The following VPS13B variants were observed in gnomAD, a reference collection of about 807,000 sequenced individuals.
VPS13B encodes the protein intermembrane lipid transfer protein VPS13B.
Under a neutral mutation model 426.4 loss-of-function variants are expected in VPS13B, and 285 were observed. The ratio of observed to expected loss-of-function variants is 0.67; its 90% CI spans 0.61 to 0.74. VPS13B has a LOEUF of 0.74. Ranked by LOEUF, VPS13B falls within the 30% of genes least tolerant of loss-of-function variation. The probability of loss-of-function intolerance (pLI) is 0.00; values close to 1 mark genes in which losing one functional copy is unlikely to be tolerated. For synonymous variants in VPS13B, 1,676 were observed against 1,676.4 expected (o/e 1.00, Z 0.01); for missense variants, 4,537 against 4,782.6 (o/e 0.95, Z 1.51).
chr8:99,636,201 T>C (rs1829061415), intron 33 of VPS13B, among the ~76,000 whole-genome samples: 1 of 152,042 alleles, frequency 6.6e-6, no homozygotes. Flanking sequence ...AAAGCTGTTA[T>C]CTCTGCATAA....
intron 52 of VPS13B, among the ~76,000 whole-genome samples, 180 bp downstream of exon 52, chr8:99,832,832 C>G (rs1195551235): frequency 6.6e-6 from 1 of 151,956 alleles, no homozygotes; most frequent in African/African-American, 2.4e-5. Context: ...ATGGCTTGTC[C>G]CAGCATACTA....
chr8:99,257,613 T>C lies in VPS13B; in HGVS notation c.2516-16585T>C, dbSNP rs931941040. Among the ~76,000 whole-genome samples, 3 of 152,332 alleles carry C rather than the reference T, an allele frequency of 2.0e-5. No homozygotes were observed. The East Asian group carries it at 5.8e-4, about 29-fold the overall frequency. On this transcript the variant is annotated intron_variant, in intron 17 of 61. Transcript: ENST00000357162. Reference sequence around the variant, plus strand: ...TGTTTAAAATATAGTTTTGTCTTTATTATGACTTCTTTTATTTCTTTCAGC... The same window carrying C: ...TGTTTAAAATATAGTTTTGTCTTTACTATGACTTCTTTTATTTCTTTCAGC...
chr8:99,849,352 T>C (rs986522312), intron 55 of VPS13B, among the ~76,000 whole-genome samples: 1 of 152,170 alleles, frequency 6.6e-6, no homozygotes, highest in African/African-American at 2.4e-5. Flanking sequence ...GTTAATATCC[T>C]TAATTTAAAA....
intron 19 of VPS13B, among the ~76,000 whole-genome samples, chr8:99,318,494 T>C (rs567812509): frequency 3.5e-4 from 53 of 152,266 alleles, no homozygotes; most frequent in African/African-American, 1.3e-3. Context: ...AAATATCCTG[T>C]CATTGAGAGT....
In VPS13B at chr8:99,577,579, T is replaced by C; in HGVS notation, c.5166T>C (p.His1722=). Residue 1722 remains histidine (H), a synonymous_variant, in exon 33 of 62, where the codon CAT becomes CAC. Transcript: ENST00000357162. The stretch of plus-strand genomic sequence containing the variant: ...GTGTGGCTCAAGTTCAACTCTTACA[T>C]CAGTTAATAGTAGCAAATATGACTG... ...FLSVAQVQLL[H]QLIVANMTGL... is the part of the protein sequence containing the mutation. The C allele has an allele frequency of 6.2e-7, 1 of 1,613,878 alleles. No homozygotes were observed. Among genetic ancestry groups the C allele is most frequent in the Non-Finnish European group, 8.5e-7 (1 of 1,179,778 alleles).
chr8:99,360,118 T>TTATC (rs1166920539), intron 19 of VPS13B, among the ~76,000 whole-genome samples: 74 of 123,278 alleles, frequency 6.0e-4, no homozygotes, highest in East Asian at 1.3e-3. Context: ...TTTTTTTTCC[T>TTATC]TATCTTTCTT....
chr8:99,439,644 A>G (rs1162028936), intron 22 of VPS13B, among the ~76,000 whole-genome samples: 1 of 152,162 alleles, frequency 6.6e-6, no homozygotes, highest in Admixed American at 6.5e-5. Flanking sequence ...ATAAAAATAA[A>G]TATATTATTT....
rs1809979196 is a variant in VPS13B, at chr8:99,134,691, A to C, written c.1266A>C (p.Glu422Asp). 1.2e-6 allele frequency: 2 copies of C among 1,610,394 alleles called. No individual in the cohort carries two copies. Among genetic ancestry groups the C allele is most frequent in the East Asian group, 2.2e-5 (1 of 44,658 alleles). The change falls in exon 9 of 62, where the codon GAA becomes GAC. Residue 422 changes from glutamate to aspartate, a missense_variant. Glu to Asp is a conservative substitution (Grantham distance 45, BLOSUM62 2). Around this residue, in one of 2 missense-constraint regions of VPS13B, gnomAD observed 4,311 missense variants for 4,474.3 expected, o/e 0.96. Coordinates refer to ENST00000357162, the MANE Select transcript of VPS13B (RefSeq NM_152564.5). The stretch of plus-strand genomic sequence containing the variant: ...GTCCACAGAAAGTAAAATCTAAAGA[A>C]GTATTGTGTTGGGAACAAGAAGGAA... ...YYSPQKVKSK[E>D]VLCWEQEGTT... is the part of the protein sequence containing the mutation.
chr8:99,793,254 C>CATATATATATATATATATATATATATAT (rs779913773), intron 43 of VPS13B, among the ~76,000 whole-genome samples: 19 of 107,010 alleles, frequency 1.8e-4, no homozygotes, highest in East Asian at 8.4e-4. Context: ...TTGCCCTCTC[C>CATATATATATATATATATATATATATAT]ATATATATAT....
At chr8:99,285,845 G>A (rs2133032193) in intron 19 of VPS13B, among the ~76,000 whole-genome samples, 1 of 152,108 alleles carries the variant, frequency 6.6e-6, no homozygotes, top group East Asian at 1.9e-4. Flanking sequence ...TCTACTGACA[G>A]CCTTTGCATT....
chr8:99,249,882 C>T (rs1327884094), intron 17 of VPS13B, among the ~76,000 whole-genome samples: 1 of 151,866 alleles, frequency 6.6e-6, no homozygotes, highest in African/African-American at 2.4e-5. Context: ...GCGTTTTAGC[C>T]TGGGTGACAG....
At chr8:99,391,153 T>A (rs1814422407) in intron 20 of VPS13B, among the ~76,000 whole-genome samples, 1 of 150,770 alleles carries the variant, frequency 6.6e-6, no homozygotes, top group African/African-American at 2.4e-5. Flanking sequence ...GATAACTTTA[T>A]AAGGATACTT....
chr8:99,103,248 A>G, intron 5 of VPS13B, 128 bp downstream of exon 5: 1 of 1,051,614 alleles, frequency 9.5e-7, no homozygotes, highest in Non-Finnish European at 1.5e-6. Context: ...CAGTGTGGGA[A>G]AAAAATGCAC....
intron 21 of VPS13B, among the ~76,000 whole-genome samples, chr8:99,394,259 T>C (rs1195746521): frequency 6.6e-6 from 1 of 152,196 alleles, no homozygotes; most frequent in Non-Finnish European, 1.5e-5. Context: ...TATGGTCCAA[T>C]GTTGATTTTA....
intron 3 of VPS13B, among the ~76,000 whole-genome samples, chr8:99,074,352 A>T (rs1377882549): frequency 6.6e-6 from 1 of 151,748 alleles, no homozygotes; most frequent in Non-Finnish European, 1.5e-5. Flanking sequence ...GTGTTGTATC[A>T]CGTTTATTGA....
intron 21 of VPS13B, among the ~76,000 whole-genome samples, chr8:99,395,737 A>G (rs2133322568): frequency 6.6e-6 from 1 of 152,332 alleles, no homozygotes; most frequent in South Asian, 2.1e-4. Context: ...CAAAGGAGTG[A>G]GAACTACAAA....
intron 43 of VPS13B, among the ~76,000 whole-genome samples, chr8:99,808,213 A>G (rs924856852): frequency 2.0e-5 from 3 of 152,192 alleles, no homozygotes; most frequent in Non-Finnish European, 2.9e-5. Flanking sequence ...TGATATAAAT[A>G]TATCTTTCTT....
At chr8:99,503,704 T>C (rs1044737876) in intron 27 of VPS13B, among the ~76,000 whole-genome samples, 3 of 152,186 alleles carry the variant, frequency 2.0e-5, no homozygotes, top group African/African-American at 7.2e-5. Context: ...CATGAGATTA[T>C]AGCAATTCAG....
intron 23 of VPS13B, among the ~76,000 whole-genome samples, chr8:99,456,789 C>G (rs952072927): frequency 6.6e-6 from 1 of 152,076 alleles, no homozygotes; most frequent in Non-Finnish European, 1.5e-5. Context: ...CTTTTCATAT[C>G]AAGTTAATGC....
Sources: gnomAD v4.1 joint callset for allele counts (sites outside exome capture counted in the v4.1 genomes callset) on GRCh38, gnomAD v4.1.1 for gene constraint, gnomAD v4.1.1 regional missense constraint, MANE v1.5 for transcripts, NCBI Gene and HGNC (gene_info 2026-07-23, HGNC 2026-07-21) for gene names.